The following ATXN7L1 variants were observed in gnomAD, a reference collection of about 807,000 sequenced individuals.
ATXN7L1 encodes ataxin-7-like protein 1.
ATXN7L1 carries 15 observed loss-of-function variants against 70.8 expected under a neutral mutation model. The observed-to-expected ratio is 0.21, with a 90% CI of 0.14 to 0.33. The LOEUF (loss-of-function observed/expected upper bound fraction) is 0.33, where lower values mean the gene tolerates loss of function less well. Ranked by LOEUF, ATXN7L1 falls within the 10% of genes least tolerant of loss-of-function variation. The pLI, the probability that ATXN7L1 is intolerant of heterozygous loss-of-function variation, is 1.00. For synonymous variants in ATXN7L1, 440 were observed against 445.1 expected (o/e 0.99, Z 0.14); for missense variants, 975 against 1,097.1 (o/e 0.89, Z 1.57).
At chr7:105,701,852 G>A (rs937507282) in intron 3 of ATXN7L1, among the ~76,000 whole-genome samples, 6 of 152,176 alleles carry the variant, frequency 3.9e-5, no homozygotes, top group Admixed American at 3.3e-4. Context: ...ATACAAGCAT[G>A]AGCCACGGTG....
At chr7:105,718,505 C>T (rs1794821122) in intron 3 of ATXN7L1, among the ~76,000 whole-genome samples, 1 of 152,232 alleles carries the variant, frequency 6.6e-6, no homozygotes, top group African/African-American at 2.4e-5. Flanking sequence ...GAGGCAGGGT[C>T]ATATCTACCT....
At chr7:105,673,907 T>C (rs776921651) in intron 3 of ATXN7L1, among the ~76,000 whole-genome samples, 4 of 152,234 alleles carry the variant, frequency 2.6e-5, no homozygotes, top group Admixed American at 6.5e-5. Context: ...AGGGGGGATA[T>C]TGAATCAGCC....
intron 3 of ATXN7L1, among the ~76,000 whole-genome samples, chr7:105,724,675 G>A (rs1444692960): frequency 2.0e-5 from 3 of 151,492 alleles, no homozygotes; most frequent in African/African-American, 7.3e-5. Flanking sequence ...GATCACCTGA[G>A]GTCTGCCTCT....
chr7:105,759,444 T>G (rs989706279), intron 3 of ATXN7L1, among the ~76,000 whole-genome samples: 1 of 109,328 alleles, frequency 9.1e-6, no homozygotes, highest in African/African-American at 3.5e-5. Flanking sequence ...GCAGCTTGGA[T>G]AGTGAGTGTG....
chr7:105,644,959 T>C (rs1798766933), intron 4 of ATXN7L1, among the ~76,000 whole-genome samples: 1 of 152,218 alleles, frequency 6.6e-6, no homozygotes, highest in African/African-American at 2.4e-5. Context: ...GGCAGGAGCC[T>C]TGAAGACATT....
intron 3 of ATXN7L1, among the ~76,000 whole-genome samples, chr7:105,757,309 AG>A (rs1799924154): frequency 6.6e-6 from 1 of 152,196 alleles, no homozygotes; most frequent in Non-Finnish European, 1.5e-5. Context: ...AGAAGGATGG[AG>A]GCAAATTTCA....
intron 3 of ATXN7L1, among the ~76,000 whole-genome samples, chr7:105,768,948 T>C (rs1801630766): frequency 6.6e-6 from 1 of 152,232 alleles, no homozygotes; most frequent in Non-Finnish European, 1.5e-5. Context: ...TTTTTGCTGC[T>C]CTGTAAGCCT....
intron 8 of ATXN7L1, among the ~76,000 whole-genome samples, chr7:105,621,276 C>G (rs1794892813): frequency 1.3e-5 from 2 of 152,206 alleles, no homozygotes; most frequent in African/African-American, 4.8e-5. Context: ...GTTCCCTTAT[C>G]AAGACTCTCA....
Position 105,641,194 on chromosome 7 carries a change from TTC to T in ATXN7L1, c.863-1627_863-1626del, listed in dbSNP as rs1239270241. Among the ~76,000 whole-genome samples, 1,055 of 105,928 alleles carry T rather than the reference TTC, an allele frequency of 1.0e-2. 50 individuals are homozygous for T. Among genetic ancestry groups the T allele is most frequent in the African/African-American group, 0.018 (512 of 28,818 alleles). The allele number at this position is 105,928 out of a possible 152,430, so 69.5% of individuals were successfully genotyped here. A position where few individuals can be genotyped will look rare whatever the true frequency, so the allele number is the denominator to read the frequency against. Reference sequence around the variant, plus strand: ...CCTTTTTTTGCTTTTTGTCTGCCTTTTCTCTCTCTCTCTCTCTCTCTTTTTTT... The same window carrying T: ...CCTTTTTTTGCTTTTTGTCTGCCTTTTCTCTCTCTCTCTCTCTCTTTTTTT... On this transcript the variant is annotated intron_variant, in intron 5 of 11. Coordinates refer to ENST00000419735, the MANE Select transcript of ATXN7L1 (RefSeq NM_020725.2).
chr7:105,628,967 CTTTTTA>C (rs1796176693), intron 7 of ATXN7L1, among the ~76,000 whole-genome samples: 1 of 148,422 alleles, frequency 6.7e-6, no homozygotes, highest in Non-Finnish European at 1.5e-5. Context: ...GGTGAGAACA[CTTTTTA>C]TTTTTATTTT....
At chr7:105,654,487 G>A (rs1351548208) in intron 4 of ATXN7L1, among the ~76,000 whole-genome samples, 1 of 152,250 alleles carries the variant, frequency 6.6e-6, no homozygotes, top group African/African-American at 2.4e-5. Flanking sequence ...AACACCGAGG[G>A]TGGTGCTCTT....
intron 3 of ATXN7L1, chr7:105,760,226 A>C (rs1800369599): frequency 2.0e-6 from 2 of 984,872 alleles, no homozygotes; most frequent in Non-Finnish European, 2.4e-6. Flanking sequence ...CCAGTGTGTC[A>C]TGCACTGGGA....
At chr7:105,761,516 C>T in intron 3 of ATXN7L1, 3 of 1,596,540 alleles carry the variant, frequency 1.9e-6, no homozygotes, top group Non-Finnish European at 1.7e-6. Context: ...CAACATGGCT[C>T]CTTTGGAAAT....
chr7:105,679,832 G>A (rs558790136), intron 3 of ATXN7L1, among the ~76,000 whole-genome samples: 19 of 152,110 alleles, frequency 1.2e-4, no homozygotes, highest in African/African-American at 4.6e-4. Context: ...TTCTTTAGGG[G>A]TGATGGTTGC....
intron 3 of ATXN7L1, among the ~76,000 whole-genome samples, chr7:105,704,586 T>TCTC (rs1563021232): frequency 3.3e-4 from 23 of 70,178 alleles, no homozygotes; most frequent in Admixed American, 7.3e-4. Flanking sequence ...TTTTATCTCT[T>TCTC]TTTTTTTTTT....
At chr7:105,837,006 C>T (rs565542971) in intron 2 of ATXN7L1, among the ~76,000 whole-genome samples, 1 of 152,136 alleles carries the variant, frequency 6.6e-6, no homozygotes, top group Non-Finnish European at 1.5e-5. Context: ...ATGGTACTGA[C>T]ATTGCTCGGC....
chr7:105,752,898 G>A (rs1371728590), intron 3 of ATXN7L1, among the ~76,000 whole-genome samples: 14 of 152,114 alleles, frequency 9.2e-5, no homozygotes, highest in Admixed American at 9.2e-4. Flanking sequence ...GAGCACAGCT[G>A]GAAGACCCCA....
intron 2 of ATXN7L1, among the ~76,000 whole-genome samples, chr7:105,797,309 C>G (rs1231339459): frequency 6.6e-6 from 1 of 152,228 alleles, no homozygotes; most frequent in African/African-American, 2.4e-5. Flanking sequence ...CCTCATTAGG[C>G]TGCATGAACA....
intron 4 of ATXN7L1, among the ~76,000 whole-genome samples, chr7:105,660,576 C>CGT (rs1801438174): frequency 1.3e-5 from 1 of 78,140 alleles, no homozygotes; most frequent in African/African-American, 5.3e-5. Flanking sequence ...CGGAAGTGAC[C>CGT]TTTTTTTTTT....
Sources: allele counts gnomAD v4.1 joint callset (sites outside exome capture counted in the v4.1 genomes callset), GRCh38; gene constraint gnomAD v4.1.1; transcripts MANE v1.5; gene names NCBI Gene and HGNC (gene_info 2026-07-23, HGNC 2026-07-21).